The following DCAF11 variants were observed in gnomAD, a reference collection of about 807,000 sequenced individuals.
DCAF11 encodes DDB1 and CUL4 associated factor 11.
A neutral mutation model predicts 76.1 loss-of-function variants in DCAF11; 44 were observed. The observed-to-expected ratio is 0.58, with a 90% CI of 0.45 to 0.74. The LOEUF (loss-of-function observed/expected upper bound fraction) is 0.74, where lower values mean the gene tolerates loss of function less well. Ranked by LOEUF, DCAF11 falls within the 30% of genes least tolerant of loss-of-function variation. The probability of loss-of-function intolerance (pLI) is 0.00; values close to 1 mark genes in which losing one functional copy is unlikely to be tolerated. For synonymous variants in DCAF11, 258 were observed against 255.0 expected (o/e 1.01, Z -0.11); for missense variants, 604 against 709.4 (o/e 0.85, Z 1.69).
Position 24,114,784 on chromosome 14 carries a change from G to A in DCAF11, c.-723G>A, listed in dbSNP as rs940217061. 5 of 985,842 alleles carry A rather than the reference G, an allele frequency of 5.1e-6. No homozygotes were observed. The East Asian group carries it at 4.5e-4, about 89-fold the overall frequency. 61.1% of individuals were successfully genotyped at this position (985,842 alleles called of 1,614,324 possible). On this transcript the variant is annotated 5_prime_UTR_variant, in exon 1 of 15. Coordinates refer to ENST00000446197, the MANE Select transcript of DCAF11 (RefSeq NM_025230.5). ...CAAGGGGGCGGGGCCGTCGTGTGAC[G>A]TTTGCAGCCCGCCGGCCAGGAAGCC... is the stretch of plus-strand genomic sequence containing the variant.
rs771364319 is a variant in DCAF11, at chr14:24,121,348, T to G, written c.1247-17T>G. On this transcript the variant is annotated splice_polypyrimidine_tract_variant and intron_variant, in intron 12 of 14. Transcript: ENST00000446197. ...GCAGATTTCCTAACCTAGGGTTTAC[T>G]CTGCATCCCTACCCAGCCTGGCGGA... is the stretch of plus-strand genomic sequence containing the variant. 2.8e-5 allele frequency: 46 copies of G among 1,614,068 alleles called. 1 individual carries two copies. The highest frequency in any genetic ancestry group is 3.9e-5 in the Non-Finnish European group (46 of 1,179,998).
rs1295273256 is a variant in DCAF11, at chr14:24,119,752, T to G, written c.948T>G (p.Ala316=). ...HEDDVNAVAF[A]DISSQILFSG... is the part of the protein sequence containing the mutation. ...ATGATGTGAATGCAGTGGCCTTTGC[T>G]GATATAAGCTCCCAAATCCTGTTCT... The change falls in exon 11 of 15, where the codon GCT becomes GCG. Residue 316 remains alanine (A), a synonymous_variant. Transcript: ENST00000446197. The G allele has an allele frequency of 6.2e-7, 1 of 1,614,126 alleles. No homozygotes were observed. The highest frequency in any genetic ancestry group is 1.3e-5 in the African/African-American group (1 of 74,952).
chr14:24,120,951 G>C lies in DCAF11; in HGVS notation c.1206G>C (p.Gln402His), dbSNP rs770298539. The C allele has an allele frequency of 1.2e-6, 2 of 1,614,066 alleles. No individual in the cohort carries two copies. Among genetic ancestry groups the C allele is most frequent in the Non-Finnish European group, 1.7e-6 (2 of 1,180,044 alleles). ...GMEASRQAAT[Q>H]QNWDYRWQQV... ...AAGCTTCACGCCAGGCTGCCACACA[G>C]CAAAACTGGGACTATCGGTGGCAGC... Residue 402 changes from glutamine to histidine, a missense_variant, in exon 12 of 15, where the codon CAG (glutamine) becomes CAC (histidine). Gln to His is a conservative substitution (Grantham distance 24). Coordinates refer to ENST00000446197, the MANE Select transcript of DCAF11 (RefSeq NM_025230.5).
Position 24,121,139 on chromosome 14 carries a change from G to A in DCAF11, c.1246+148G>A, listed in dbSNP as rs1434703862. The A allele has an allele frequency of 1.2e-5, 16 of 1,283,856 alleles. No homozygotes were observed. The African/African-American group carries it at 1.3e-4, about 11-fold the overall frequency. 79.5% of individuals were successfully genotyped at this position (1,283,856 alleles called of 1,614,324 possible). ...AGAGGTTCCTAGGATTGGGGCCTGG[G>A]TGGGGGTCACTCAGAATCAACCAAT... On this transcript the variant is annotated intron_variant, in intron 12 of 14. Transcript: ENST00000446197.
chr14:24,124,708 C>A lies in DCAF11; in HGVS notation c.*1399C>A, dbSNP rs1279090727. 2 of 152,280 alleles carry A rather than the reference C, an allele frequency of 1.3e-5. No individual in the cohort carries two copies. Among genetic ancestry groups the A allele is most frequent in the Non-Finnish European group, 2.9e-5 (2 of 68,154 alleles). 9.4% of individuals were successfully genotyped at this position (152,280 alleles called of 1,614,324 possible). ...ATCGCTTGAGCCCAGGAGTTTGAGA[C>A]CAGCCTGGGCAACATGGCAAAACCC... On this transcript the variant is annotated 3_prime_UTR_variant, in exon 15 of 15. Transcript: ENST00000446197.
In DCAF11 at chr14:24,117,799, G is replaced by T; in HGVS notation, c.476+67G>T. On this transcript the variant is annotated intron_variant, in intron 5 of 14. Transcript: ENST00000446197. The surrounding 1 kb of genome is among the most constrained non-coding windows in gnomAD (Gnocchi z 4.3). Reference sequence around the variant, plus strand: ...GGTCTTATCTCCTAAACTTTGAAGGGGTAGGTGTTAAAGGAGCCTCAGAGA... The same window carrying T: ...GGTCTTATCTCCTAAACTTTGAAGGTGTAGGTGTTAAAGGAGCCTCAGAGA... 5.9e-6 allele frequency: 9 copies of T among 1,528,040 alleles called. No individual in the cohort carries two copies. The highest frequency in any genetic ancestry group is 8.1e-6 in the Non-Finnish European group (9 of 1,112,280). The allele number at this position is 1,528,040 out of a possible 1,614,324, so 94.7% of individuals were successfully genotyped here.
At position 24,118,542 on chromosome 14, in the gene DCAF11, T is replaced by C; in HGVS notation, c.724+8T>C. 6.2e-7 allele frequency: 1 copy of C among 1,612,112 alleles called. No individual in the cohort carries two copies. On this transcript the variant is annotated splice_region_variant and intron_variant, in intron 7 of 14. Coordinates refer to ENST00000446197, the MANE Select transcript of DCAF11 (RefSeq NM_025230.5). ...CTAGCTGGTCTGATTACAGTGAGTA[T>C]GCACCAGGCTTCCACTGACTCTCCA...
intron 6 of DCAF11, 61 bp from the exon 7 acceptor site, chr14:24,118,327 C>A: frequency 4.4e-6 from 7 of 1,608,994 alleles, no homozygotes; most frequent in Non-Finnish European, 5.1e-6. Context: ...TGGGAGATGT[C>A]TAATCTAGAA....
chr14:24,120,736 A>C, intron 11 of DCAF11, 102 bp from the exon 12 acceptor site: 1 of 1,425,606 alleles, frequency 7.0e-7, no homozygotes, highest in Non-Finnish European at 9.6e-7. Context: ...AAGTAAAGCC[A>C]GAGGCCAGAG....
At position 24,124,190 on chromosome 14, in the gene DCAF11, A is replaced by G. The variant is rs561175012; in HGVS notation, c.*881A>G. The G allele has an allele frequency of 2.6e-5, 4 of 152,236 alleles. No homozygotes were observed. Among genetic ancestry groups the G allele is most frequent in the Non-Finnish European group, 5.9e-5 (4 of 68,030 alleles). 9.4% of individuals were successfully genotyped at this position (152,236 alleles called of 1,614,324 possible). A position where few individuals can be genotyped will look rare whatever the true frequency, so the allele number is the denominator to read the frequency against. On this transcript the variant is annotated 3_prime_UTR_variant, in exon 15 of 15. Coordinates refer to ENST00000446197, the MANE Select transcript of DCAF11 (RefSeq NM_025230.5). ...CATGAAAAAGGGAAATACCAAAACC[A>G]TTTGTTCACTGAGCCTTGCAATAGG...
At chr14:24,116,284 TG>T (rs1443174448) in intron 2 of DCAF11, among the ~76,000 whole-genome samples, 6 of 152,252 alleles carry the variant, frequency 3.9e-5, no homozygotes, top group African/African-American at 1.4e-4. Context: ...TCTTTGCTTA[TG>T]GCTCTTTGAG....
At chr14:24,121,679 T>A in intron 13 of DCAF11, 162 bp downstream of exon 13, 1 of 736,508 alleles carries the variant, frequency 1.4e-6, no homozygotes, top group Non-Finnish European at 2.1e-6. Flanking sequence ...ACCATTCTAT[T>A]TTTCAGTGTT....
At position 24,125,071 on chromosome 14, in the gene DCAF11, T is replaced by C. The variant is rs1227423366; in HGVS notation, c.*1762T>C. 6.6e-6 allele frequency: 1 copy of C among 151,586 alleles called. No homozygotes were observed. The highest frequency in any genetic ancestry group is 2.4e-5 in the African/African-American group (1 of 41,224). 9.4% of individuals were successfully genotyped at this position (151,586 alleles called of 1,614,324 possible). ...TGTCTCAAAAAAAAAATTAGCCAGA[T>C]GTGGTGACGCATGCCTGTAGTCCTA... On this transcript the variant is annotated 3_prime_UTR_variant, in exon 15 of 15. Coordinates refer to ENST00000446197, the MANE Select transcript of DCAF11 (RefSeq NM_025230.5).
chr14:24,122,968 C>T lies in DCAF11; in HGVS notation c.1400-3C>T. ...CCTCTCCACTCTTGCCTGTCCTGGA[C>T]AGTGTACGACCTTCTAAGTGGCCAC... is the stretch of plus-strand genomic sequence containing the variant. On this transcript the variant is annotated splice_region_variant and splice_polypyrimidine_tract_variant and intron_variant, in intron 13 of 14. Transcript: ENST00000446197. The T allele has an allele frequency of 6.2e-7, 1 of 1,613,852 alleles. No homozygotes were observed. Among genetic ancestry groups the T allele is most frequent in the Non-Finnish European group, 8.5e-7 (1 of 1,179,800 alleles).
chr14:24,117,589 T>A lies in DCAF11; in HGVS notation c.412-79T>A. ...GTCCATTTCTATAACAAGAGCAATA[T>A]CTTTGGAGGAGGGGGCTTGATATGG... is the stretch of plus-strand genomic sequence containing the variant. On this transcript the variant is annotated intron_variant, in intron 4 of 14. Coordinates refer to ENST00000446197, the MANE Select transcript of DCAF11 (RefSeq NM_025230.5). The surrounding 1 kb of genome is among the most constrained non-coding windows in gnomAD (Gnocchi z 4.3). 6.4e-7 allele frequency: 1 copy of A among 1,555,894 alleles called. No individual in the cohort carries two copies. Among genetic ancestry groups the A allele is most frequent in the Non-Finnish European group, 8.8e-7 (1 of 1,132,692 alleles).
rs1037099236 is a variant in DCAF11, at chr14:24,119,427, C to G, written c.849-132C>G. ...TCCTTGAAACACAGCTAACTCTTCC[C>G]CCACTTCCTGTATAAAAAGAGCAAA... On this transcript the variant is annotated intron_variant, in intron 9 of 14. Transcript: ENST00000446197. 1.2e-5 allele frequency: 15 copies of G among 1,285,588 alleles called. No individual in the cohort carries two copies. The African/African-American group carries it at 2.2e-4, about 19-fold the overall frequency. The allele number at this position is 1,285,588 out of a possible 1,614,324, so 79.6% of individuals were successfully genotyped here.
intron 11 of DCAF11, 56 bp downstream of exon 11, chr14:24,119,952 AG>A: frequency 1.3e-6 from 2 of 1,508,876 alleles, no homozygotes; most frequent in Non-Finnish European, 8.9e-7. Context: ...GTTGCCCAGG[AG>A]GGCATGAAAG....
Position 24,114,806 on chromosome 14 carries a change from A to G in DCAF11, c.-701A>G, listed in dbSNP as rs2037500968. 2 of 985,976 alleles carry G rather than the reference A, an allele frequency of 2.0e-6. No homozygotes were observed. Among genetic ancestry groups the G allele is most frequent in the Non-Finnish European group, 2.4e-6 (2 of 829,966 alleles). 61.1% of individuals were successfully genotyped at this position (985,976 alleles called of 1,614,324 possible). On this transcript the variant is annotated 5_prime_UTR_variant, in exon 1 of 15. Transcript: ENST00000446197. ...GACGTTTGCAGCCCGCCGGCCAGGAAGCCGCGAGATGCGTGACGAGCGAAG... is the reference window on the plus strand; with the variant it reads ...GACGTTTGCAGCCCGCCGGCCAGGAGGCCGCGAGATGCGTGACGAGCGAAG...
At position 24,116,970 on chromosome 14, in the gene DCAF11, A is replaced by G. The variant is rs1412587360; in HGVS notation, c.209A>G (p.Gln70Arg). 15 of 1,614,066 alleles carry G rather than the reference A, an allele frequency of 9.3e-6. No homozygotes were observed. The highest frequency in any genetic ancestry group is 1.3e-5 in the Non-Finnish European group (15 of 1,180,030). The change falls in exon 3 of 15, where the codon CAG becomes CGG. Residue 70 changes from glutamine to arginine, a missense_variant. Physicochemically the swap from Gln to Arg is conservative, Grantham distance 43. Coordinates refer to ENST00000446197, the MANE Select transcript of DCAF11 (RefSeq NM_025230.5). ...GGGAANLQFIQALLDSEEEND... is the reference protein window; with the variant it reads ...GGGAANLQFIRALLDSEEEND... ...GGTGCAGCAAATTTACAATTCATTCAGGCCCTCTTGGACTCAGAGGAAGAG... is the reference window on the plus strand; with the variant it reads ...GGTGCAGCAAATTTACAATTCATTCGGGCCCTCTTGGACTCAGAGGAAGAG...
Sources: gnomAD v4.1 joint callset for allele counts (sites outside exome capture counted in the v4.1 genomes callset) on GRCh38, gnomAD v4.1.1 for gene constraint, Gnocchi (gnomAD v3.1) non-coding constraint, MANE v1.5 for transcripts, NCBI Gene and HGNC (gene_info 2026-07-23, HGNC 2026-07-21) for gene names.